SLC36A4: variants seen among roughly 807,000 people sequenced by gnomAD.
The protein encoded by SLC36A4 is solute carrier family 36 member 4.
Under a neutral mutation model 50.5 loss-of-function variants are expected in SLC36A4, and 49 were observed. That is an observed-to-expected ratio of 0.97 (90% CI 0.77 to 1.23). The LOEUF is 1.23. SLC36A4 is among the 50% of genes most tolerant of loss of function. The probability of loss-of-function intolerance (pLI) is 0.00; values close to 1 mark genes in which losing one functional copy is unlikely to be tolerated. For synonymous variants in SLC36A4, 207 were observed against 206.5 expected (o/e 1.00, Z -0.02); for missense variants, 611 against 608.4 (o/e 1.00, Z -0.05).
rs1195835636 is a variant in SLC36A4, at chr11:93,144,513, A to C, written c.*4024T>G. The C allele has an allele frequency of 2.6e-5, 4 of 152,054 alleles. No homozygotes were observed. In the East Asian group the frequency reaches 7.7e-4, roughly 29 times the overall value. 9.4% of individuals were successfully genotyped at this position (152,054 alleles called of 1,614,324 possible). On this transcript the variant is annotated 3_prime_UTR_variant, in exon 11 of 11. Coordinates refer to ENST00000326402, the MANE Select transcript of SLC36A4 (RefSeq NM_152313.4). The stretch of plus-strand genomic sequence containing the variant: ...TACTGATTTGTGTGTGTGTCTGCAT[A>C]TACTTGTGCACGCATGCATGTAGGA...
At chr11:93,186,746 A>G (rs1477700631) in intron 1 of SLC36A4, among the ~76,000 whole-genome samples, 2 of 152,168 alleles carry the variant, frequency 1.3e-5, no homozygotes, top group Non-Finnish European at 1.5e-5. Flanking sequence ...TACAATCAAT[A>G]TCAATATCCA....
intron 6 of SLC36A4, among the ~76,000 whole-genome samples, chr11:93,173,261 T>C (rs954333403): frequency 6.6e-6 from 1 of 150,922 alleles, no homozygotes; most frequent in Non-Finnish European, 1.5e-5. Flanking sequence ...GAAGTGTCCG[T>C]TCATGTCCTT....
At chr11:93,183,853 A>G in intron 3 of SLC36A4, among the ~76,000 whole-genome samples, 1 of 151,778 alleles carries the variant, frequency 6.6e-6, no homozygotes, top group East Asian at 1.9e-4. Flanking sequence ...ATCCGCCACC[A>G]CGCCCGGCTA....
At position 93,154,131 on chromosome 11, in the gene SLC36A4, C is replaced by A. The variant is rs1409135262; in HGVS notation, c.1184G>T (p.Arg395Ile). 2 of 1,544,518 alleles carry A rather than the reference C, an allele frequency of 1.3e-6. No individual in the cohort carries two copies. Among genetic ancestry groups the A allele is most frequent in the South Asian group, 1.3e-5 (1 of 76,732 alleles). Residue 395 changes from arginine to isoleucine, a missense_variant, in exon 10 of 11, where the codon AGA becomes ATA. Physicochemically the swap from Arg to Ile is moderately conservative, Grantham distance 97. Coordinates refer to ENST00000326402, the MANE Select transcript of SLC36A4 (RefSeq NM_152313.4). ...ACAAGTAATACTAACCAAGAAGGAT[C>A]TTATCCCAAATTCACAGATTTGCTT... is the stretch of plus-strand genomic sequence containing the variant. ...KWKQICEFGI[R>I]SFLVSITCAG...
chr11:93,167,639 C>T, intron 7 of SLC36A4: 1 of 264,936 alleles, frequency 3.8e-6, no homozygotes, highest in South Asian at 9.8e-5. Flanking sequence ...GTACTAAGAA[C>T]ACAATCCTAA....
In SLC36A4 at chr11:93,145,447, T is replaced by G. The variant is rs566002350; in HGVS notation, c.*3090A>C. The G allele has an allele frequency of 6.6e-6, 1 of 152,178 alleles. No homozygotes were observed. Among genetic ancestry groups the G allele is most frequent in the East Asian group, 1.9e-4 (1 of 5,162 alleles). 9.4% of individuals were successfully genotyped at this position (152,178 alleles called of 1,614,324 possible). ...CAAGAATACGCTGTAGCTCTTATTT[T>G]CTTAATTGTAAAGAAATCTGGCCAT... On this transcript the variant is annotated 3_prime_UTR_variant, in exon 11 of 11. Transcript: ENST00000326402.
At chr11:93,194,746 C>T (rs1372180518) in intron 1 of SLC36A4, among the ~76,000 whole-genome samples, 1 of 152,132 alleles carries the variant, frequency 6.6e-6, no homozygotes, top group African/African-American at 2.4e-5. Context: ...TCATTATGTT[C>T]TCATTCTGTC....
intron 6 of SLC36A4, among the ~76,000 whole-genome samples, chr11:93,178,225 C>T (rs1861578477): frequency 6.6e-6 from 1 of 152,150 alleles, no homozygotes; most frequent in Non-Finnish European, 1.5e-5. Flanking sequence ...TCTTGGTGTG[C>T]CATTTGCTAA....
Position 93,165,996 on chromosome 11 carries a change from G to A in SLC36A4, c.789C>T (p.Asn263=). The A allele has an allele frequency of 1.2e-6, 2 of 1,610,222 alleles. No individual in the cohort carries two copies. Among genetic ancestry groups the A allele is most frequent in the Non-Finnish European group, 8.5e-7 (1 of 1,177,816 alleles). The change falls in exon 8 of 11, where the codon AAC becomes AAT. Residue 263 remains asparagine (N), a synonymous_variant. Transcript: ENST00000326402. Reference sequence around the variant, plus strand: ...TCTTCCAACCAGCCACTATTGGAAGGTTGTGGGGATCTGGCATGTTCTAAA... The same window carrying A: ...TCTTCCAACCAGCCACTATTGGAAGATTGTGGGGATCTGGCATGTTCTAAA... ...YVVRNMPDPH[N]LPIVAGWKKY...
intron 1 of SLC36A4, chr11:93,192,961 T>C (rs569054047): frequency 1.9e-5 from 3 of 158,220 alleles, no homozygotes; most frequent in Middle Eastern, 6.8e-3. Flanking sequence ...ATATTACATA[T>C]ATGTTACATA....
intron 6 of SLC36A4, chr11:93,171,977 T>C (rs1215446881): frequency 6.6e-6 from 1 of 152,164 alleles, no homozygotes; most frequent in East Asian, 1.9e-4. Flanking sequence ...CCATGGCTAC[T>C]TGCTCTCGCT....
intron 9 of SLC36A4, among the ~76,000 whole-genome samples, chr11:93,159,274 T>C (rs1378303105): frequency 1.3e-5 from 2 of 152,192 alleles, no homozygotes; most frequent in South Asian, 4.1e-4. Flanking sequence ...AACAACTTAA[T>C]GTTCCAGTGA....
intron 9 of SLC36A4, among the ~76,000 whole-genome samples, chr11:93,158,806 C>G (rs191474955): frequency 1.4e-3 from 216 of 152,152 alleles, no homozygotes; most frequent in African/African-American, 4.8e-3. Context: ...AAATGAAGAA[C>G]ATTGAAAGGA....
chr11:93,197,788 G>T lies in SLC36A4; in HGVS notation c.45C>A (p.Arg15=). Residue 15 remains arginine (R), a synonymous_variant, in exon 1 of 11, where the codon CGC becomes CGA. Transcript: ENST00000326402. ...ACGCACAACACCGACCTAGCTCCTCGCGCCTCGCCGCCCCGGCAGCCGCCG... is the reference window on the plus strand; with the variant it reads ...ACGCACAACACCGACCTAGCTCCTCTCGCCTCGCCGCCCCGGCAGCCGCCG... ...ATPAAAGAAR[R]EELDMDVMRP... is the part of the protein sequence containing the mutation. 1 of 1,585,908 alleles carries T rather than the reference G, an allele frequency of 6.3e-7. No individual in the cohort carries two copies. Among genetic ancestry groups the T allele is most frequent in the Non-Finnish European group, 8.5e-7 (1 of 1,173,374 alleles).
intron 9 of SLC36A4, chr11:93,160,033 G>T (rs1860549167): frequency 1.0e-6 from 1 of 985,290 alleles, no homozygotes; most frequent in South Asian, 4.7e-5. Context: ...GCACAGGAAA[G>T]AAGTGAAAGA....
chr11:93,152,835 G>A (rs1217336843), intron 10 of SLC36A4: 3 of 152,000 alleles, frequency 2.0e-5, no homozygotes, highest in Admixed American at 6.6e-5. Flanking sequence ...CACTTTTACT[G>A]AAATTAGTCT....
At chr11:93,191,492 G>A (rs1383583446) in intron 1 of SLC36A4, among the ~76,000 whole-genome samples, 1 of 152,154 alleles carries the variant, frequency 6.6e-6, no homozygotes, top group African/African-American at 2.4e-5. Flanking sequence ...GAAGGTTTCT[G>A]GCTCAGATTC....
chr11:93,180,923 T>G, intron 5 of SLC36A4, 42 bp from the exon 6 acceptor site: 1 of 1,254,068 alleles, frequency 8.0e-7, no homozygotes, highest in Non-Finnish European at 1.2e-6. Flanking sequence ...GGAGAGCTAC[T>G]GAAATGTCAA....
chr11:93,197,647 C>G, intron 1 of SLC36A4, 131 bp downstream of exon 1: 1 of 1,010,128 alleles, frequency 9.9e-7, no homozygotes, highest in Non-Finnish European at 1.4e-6. Flanking sequence ...GGATGCTGAC[C>G]ACGGGGTCAG....
Sources: allele counts gnomAD v4.1 joint callset (sites outside exome capture counted in the v4.1 genomes callset), GRCh38; gene constraint gnomAD v4.1.1; transcripts MANE v1.5; gene names NCBI Gene and HGNC (gene_info 2026-07-23, HGNC 2026-07-21).